PLCB1: variants seen among roughly 807,000 people sequenced by gnomAD.
PLCB1 encodes the protein phospholipase C beta 1.
Under a neutral mutation model 161.8 loss-of-function variants are expected in PLCB1, and 46 were observed. The ratio of observed to expected loss-of-function variants is 0.28; its 90% CI spans 0.22 to 0.36. PLCB1 has a LOEUF of 0.36. Ranked by LOEUF, PLCB1 falls within the 10% of genes least tolerant of loss-of-function variation. PLCB1 has a pLI of 1.00. For missense variants in PLCB1, 1,016 were observed against 1,472.5 expected, an observed-to-expected ratio of 0.69 and a Z score of 5.07; for synonymous variants, 517 against 503.7, an observed-to-expected ratio of 1.03 and a Z score of -0.35.
chr20:8,459,784 C>T (rs1251461038), intron 3 of PLCB1, among the ~76,000 whole-genome samples: 1 of 152,148 alleles, frequency 6.6e-6, no homozygotes, highest in Admixed American at 6.5e-5. Flanking sequence ...TGCAAATCAC[C>T]GCTTTGCATG....
chr20:8,470,056 T>G (rs180760963), intron 3 of PLCB1, among the ~76,000 whole-genome samples: 21 of 152,290 alleles, frequency 1.4e-4, no homozygotes, highest in Admixed American at 9.8e-4. Flanking sequence ...CCAGCTTCTT[T>G]CATATAGCCT....
At chr20:8,652,956 C>A (rs770377484) in intron 7 of PLCB1, 3 of 152,084 alleles carry the variant, frequency 2.0e-5, no homozygotes, top group African/African-American at 7.2e-5. Flanking sequence ...TCCAGTGAGA[C>A]CCTTGAAAAC....
intron 3 of PLCB1, among the ~76,000 whole-genome samples, chr20:8,458,999 G>A (rs562408154): frequency 6.6e-6 from 1 of 152,342 alleles, no homozygotes; most frequent in South Asian, 2.1e-4. Flanking sequence ...ACATAGAGGT[G>A]CAGGGTGATA....
At chr20:8,385,694 GA>G (rs1987406704) in intron 3 of PLCB1, among the ~76,000 whole-genome samples, 1 of 152,214 alleles carries the variant, frequency 6.6e-6, no homozygotes, top group Admixed American at 6.5e-5. Context: ...CAGTTCTGTG[GA>G]AAAAGCATGG....
intron 3 of PLCB1, among the ~76,000 whole-genome samples, chr20:8,617,249 C>T (rs1406952505): frequency 3.3e-5 from 5 of 152,128 alleles, no homozygotes; most frequent in Non-Finnish European, 5.9e-5. Flanking sequence ...AAATTTGCTA[C>T]AGATTGATAC....
chr20:8,261,221 G>C (rs1981676771), intron 2 of PLCB1, among the ~76,000 whole-genome samples: 1 of 152,054 alleles, frequency 6.6e-6, no homozygotes, highest in Admixed American at 6.6e-5. Context: ...AACCAAACCT[G>C]ATATAGGGAA....
chr20:8,628,941 A>T (rs1883932), intron 4 of PLCB1, among the ~76,000 whole-genome samples: 86,876 of 151,864 alleles, frequency 0.57, 25,723 homozygotes, highest in African/African-American at 0.71. Flanking sequence ...TCAAAAAAAA[A>T]AAATAAATAA....
Position 8,765,235 on chromosome 20 carries a change from G to A in PLCB1, c.2807G>A (p.Arg936Lys), listed in dbSNP as rs1982257294. 1.9e-6 allele frequency: 3 copies of A among 1,613,878 alleles called. No individual in the cohort carries two copies. Among genetic ancestry groups the A allele is most frequent in the African/African-American group, 2.7e-5 (2 of 75,034 alleles). Residue 936 changes from arginine (R) to lysine (K), a missense_variant, in exon 26 of 32, where the codon AGA becomes AAA. By Grantham distance (26) the Arg-to-Lys change is conservative. This residue lies in a region of PLCB1 where 398 missense variants were observed against 445.4 expected (regional missense o/e 0.89). Transcript: ENST00000338037. ...AAAGAAATGAAAGACCTGGTTAAGA[G>A]ACACCACAAGAAAACCACTGACCTT... is the stretch of plus-strand genomic sequence containing the variant. ...HYKEMKDLVK[R>K]HHKKTTDLIK...
chr20:8,480,965 G>A (rs950238570), intron 3 of PLCB1, among the ~76,000 whole-genome samples: 1 of 152,082 alleles, frequency 6.6e-6, no homozygotes, highest in Admixed American at 6.6e-5. Context: ...TTAGCTGGGC[G>A]TGGTGGTGCG....
chr20:8,501,951 T>C (rs1176436353), intron 3 of PLCB1, among the ~76,000 whole-genome samples: 1 of 147,740 alleles, frequency 6.8e-6, no homozygotes, highest in Non-Finnish European at 1.5e-5. Flanking sequence ...CTATGTTTTA[T>C]TTTATTCTCC....
chr20:8,541,609 G>GAAAGAAAGAAAGAAAGA lies in PLCB1; in HGVS notation c.247-86683_247-86682insAGAAAGAAAGAAAGAAA, dbSNP rs1192850084. Among the ~76,000 whole-genome samples, 257 of 57,700 alleles carry GAAAGAAAGAAAGAAAGA rather than the reference G, an allele frequency of 4.5e-3. 2 individuals are homozygous for GAAAGAAAGAAAGAAAGA. Among genetic ancestry groups the GAAAGAAAGAAAGAAAGA allele is most frequent in the Middle Eastern group, 0.011 (1 of 92 alleles). The allele number at this position is 57,700 out of a possible 152,430, so 37.9% of individuals were successfully genotyped here. A position where few individuals can be genotyped will look rare whatever the true frequency, so the allele number is the denominator to read the frequency against. On this transcript the variant is annotated intron_variant, in intron 3 of 31. Coordinates refer to ENST00000338037, the MANE Select transcript of PLCB1 (RefSeq NM_015192.4). The stretch of plus-strand genomic sequence containing the variant: ...GAAAGAAAGAAAGAAAGAAAGAAAG[G>GAAAGAAAGAAAGAAAGA]AAGGAAGATAGTAATGAAATGTGGG...
At chr20:8,784,562 CAA>C (rs5840284) in intron 27 of PLCB1, among the ~76,000 whole-genome samples, 430 of 137,458 alleles carry the variant, frequency 3.1e-3, no homozygotes, top group Admixed American at 5.0e-3. Flanking sequence ...CACTGTATCT[CAA>C]AAAAAAAAAA....
Position 8,615,334 on chromosome 20 carries a change from G to T in PLCB1, c.247-12960G>T, listed in dbSNP as rs183925751. On this transcript the variant is annotated intron_variant, in intron 3 of 31. Coordinates refer to ENST00000338037, the MANE Select transcript of PLCB1 (RefSeq NM_015192.4). ...GAAGACAGTGATTTATAGTTCTTTT[G>T]TTATATGTAGAGGACCATCTAATAC... Among the ~76,000 whole-genome samples the T allele has an allele frequency of 4.5e-4, 68 of 152,228 alleles. No individual in the cohort carries two copies. In the East Asian group the frequency reaches 0.012, roughly 26 times the overall value.
intron 3 of PLCB1, among the ~76,000 whole-genome samples, chr20:8,563,183 TACAGTGA>T (rs1183254383): frequency 5.9e-5 from 9 of 152,096 alleles, no homozygotes; most frequent in African/African-American, 2.2e-4. Context: ...CTTGCATTTA[TACAGTGA>T]ACAAAAAAGT....
chr20:8,279,090 G>GT (rs1310128248), intron 2 of PLCB1, among the ~76,000 whole-genome samples: 1 of 151,984 alleles, frequency 6.6e-6, no homozygotes, highest in Non-Finnish European at 1.5e-5. Context: ...GTGGAAAAAA[G>GT]TTTATCCATT....
In PLCB1 at chr20:8,340,435, G is replaced by GT. The variant is rs367675074; in HGVS notation, c.178-30942dup. 3.4e-3 allele frequency among the ~76,000 whole-genome samples: 518 copies of GT among 151,876 alleles called. 3 individuals are homozygous for GT. The highest frequency in any genetic ancestry group is 0.012 in the African/African-American group (480 of 41,434). On this transcript the variant is annotated intron_variant, in intron 2 of 31. Coordinates refer to ENST00000338037, the MANE Select transcript of PLCB1 (RefSeq NM_015192.4). ...CTAGTTTTTTTTTGTTTTTGTTTTT[G>GT]TTTTTGAGACGGAGTCTCGCTCTGT...
At chr20:8,340,784 G>A (rs1399087596) in intron 2 of PLCB1, among the ~76,000 whole-genome samples, 3 of 152,294 alleles carry the variant, frequency 2.0e-5, no homozygotes, top group Non-Finnish European at 2.9e-5. Context: ...ACCACCGGCC[G>A]AATACCTAAA....
intron 3 of PLCB1, among the ~76,000 whole-genome samples, chr20:8,508,085 G>C (rs1052585513): frequency 3.9e-5 from 6 of 152,152 alleles, no homozygotes; most frequent in African/African-American, 1.4e-4. Flanking sequence ...AGGACATGGG[G>C]TTGGGGTAGT....
chr20:8,418,642 G>C (rs756637251), intron 3 of PLCB1, among the ~76,000 whole-genome samples: 1 of 151,444 alleles, frequency 6.6e-6, no homozygotes. Context: ...TGATCATTTG[G>C]GTTTTGAAAA....
Sources: gnomAD v4.1 joint callset for allele counts (sites outside exome capture counted in the v4.1 genomes callset) on GRCh38, gnomAD v4.1.1 for gene constraint, gnomAD v4.1.1 regional missense constraint, MANE v1.5 for transcripts, NCBI Gene and HGNC (gene_info 2026-07-23, HGNC 2026-07-21) for gene names.